The following SKAP1 variants were observed in gnomAD, a reference collection of about 807,000 sequenced individuals.
SKAP1 encodes the protein src kinase associated phosphoprotein 1.
In SKAP1, 44 loss-of-function variants were observed where a neutral mutation model predicts 58.5. The observed-to-expected ratio is 0.75, with a 90% CI of 0.59 to 0.97. The LOEUF (loss-of-function observed/expected upper bound fraction) is 0.97, where lower values mean the gene tolerates loss of function less well. SKAP1 is among the 50% of genes least tolerant of loss of function. SKAP1 has a pLI of 0.00. For synonymous variants in SKAP1, 127 were observed against 149.7 expected, an observed-to-expected ratio of 0.85 and a Z score of 1.11; for missense variants, 390 against 435.2, an observed-to-expected ratio of 0.90 and a Z score of 0.92.
At chr17:48,185,432 T>C (rs1016218324) in intron 6 of SKAP1, among the ~76,000 whole-genome samples, 17 of 152,050 alleles carry the variant, frequency 1.1e-4, no homozygotes, top group Non-Finnish European at 2.2e-4. Context: ...AGAATAACGT[T>C]GAGTATTATT....
At position 48,158,965 on chromosome 17, in the gene SKAP1, G is replaced by GA. The variant is rs34145165; in HGVS notation, c.978+3503dup. On this transcript the variant is annotated intron_variant, in intron 11 of 12. Transcript: ENST00000336915. ...ACAGAGCGAGACGCCTTCTCAAAAA[G>GA]AAAAAAAAAAAAAAAAGAAACAGCA... Among the ~76,000 whole-genome samples, 627 of 131,374 alleles carry GA rather than the reference G, an allele frequency of 4.8e-3. 2 individuals are homozygous for GA. The highest frequency in any genetic ancestry group is 0.014 in the African/African-American group (479 of 34,770). 86.2% of individuals were successfully genotyped at this position (131,374 alleles called of 152,430 possible). A position where few individuals can be genotyped will look rare whatever the true frequency, so the allele number is the denominator to read the frequency against.
intron 2 of SKAP1, among the ~76,000 whole-genome samples, chr17:48,366,153 A>G (rs967989370): frequency 2.0e-5 from 3 of 152,202 alleles, no homozygotes; most frequent in African/African-American, 7.2e-5. Flanking sequence ...AGGGAAGAGT[A>G]TCAGCCCAGT....
At chr17:48,394,593 A>G (rs1393580366) in intron 2 of SKAP1, among the ~76,000 whole-genome samples, 1 of 152,170 alleles carries the variant, frequency 6.6e-6, no homozygotes, top group Non-Finnish European at 1.5e-5. Flanking sequence ...TTCTGGCCTC[A>G]GCCTCCCAAA....
intron 11 of SKAP1, among the ~76,000 whole-genome samples, chr17:48,146,228 C>T (rs910184677): frequency 6.6e-6 from 1 of 152,128 alleles, no homozygotes; most frequent in African/African-American, 2.4e-5. Context: ...GACGGTGGCT[C>T]ACGCCTGTAA....
intron 2 of SKAP1, among the ~76,000 whole-genome samples, chr17:48,384,957 C>A (rs550923933): frequency 6.6e-6 from 1 of 151,960 alleles, no homozygotes; most frequent in Non-Finnish European, 1.5e-5. Context: ...AAAGAGAAAA[C>A]CCTGAGGAAC....
rs537002766 is a variant in SKAP1, at chr17:48,152,066, C to T, written c.978+10403G>A. Among the ~76,000 whole-genome samples, 94 of 152,214 alleles carry T rather than the reference C, an allele frequency of 6.2e-4. 1 individual carries two copies. The Middle Eastern group carries it at 0.017, about 28-fold the overall frequency. The stretch of plus-strand genomic sequence containing the variant: ...ACTGTATCTTTAACGTTTCATATGT[C>T]AAGATGAAAGTTTTTAAATAACTAG... On this transcript the variant is annotated intron_variant, in intron 11 of 12. Coordinates refer to ENST00000336915, the MANE Select transcript of SKAP1 (RefSeq NM_003726.4).
chr17:48,393,827 C>T (rs2067380485), intron 2 of SKAP1, among the ~76,000 whole-genome samples: 1 of 151,860 alleles, frequency 6.6e-6, no homozygotes, highest in Non-Finnish European at 1.5e-5. Context: ...TCCAGATTAT[C>T]TTGCTAGAGA....
At chr17:48,214,803 T>A (rs2064917532) in intron 4 of SKAP1, among the ~76,000 whole-genome samples, 1 of 151,574 alleles carries the variant, frequency 6.6e-6, no homozygotes, top group Admixed American at 6.6e-5. Flanking sequence ...GTGCCTGTAG[T>A]CCCAGCTACT....
chr17:48,249,303 C>T (rs888182185), intron 4 of SKAP1, among the ~76,000 whole-genome samples: 5 of 152,110 alleles, frequency 3.3e-5, no homozygotes, highest in South Asian at 2.1e-4. Context: ...ACCTTAGCTA[C>T]GGCTAAACTA....
At chr17:48,149,662 G>A (rs2063875559) in intron 11 of SKAP1, among the ~76,000 whole-genome samples, 1 of 151,978 alleles carries the variant, frequency 6.6e-6, no homozygotes, top group Non-Finnish European at 1.5e-5. Flanking sequence ...TGGTAAGGTC[G>A]CCAGAATAAA....
At chr17:48,182,254 T>C in intron 8 of SKAP1, 140 bp downstream of exon 8, 1 of 650,428 alleles carries the variant, frequency 1.5e-6, no homozygotes, top group Non-Finnish European at 2.7e-6. Flanking sequence ...TTTGTTGTTG[T>C]AATATGGGGA....
At chr17:48,218,483 GA>G (rs879433834) in intron 4 of SKAP1, among the ~76,000 whole-genome samples, 6 of 152,156 alleles carry the variant, frequency 3.9e-5, no homozygotes, top group Admixed American at 3.3e-4. Flanking sequence ...AAACACTATG[GA>G]AAAGGAGTCC....
At chr17:48,410,847 A>T (rs2067653268) in intron 1 of SKAP1, among the ~76,000 whole-genome samples, 1 of 150,230 alleles carries the variant, frequency 6.7e-6, no homozygotes, top group Non-Finnish European at 1.5e-5. Context: ...GAATCGCTTG[A>T]ACCCAGGAGG....
intron 4 of SKAP1, among the ~76,000 whole-genome samples, chr17:48,341,363 C>G (rs1249901030): frequency 6.6e-6 from 1 of 152,106 alleles, no homozygotes; most frequent in African/African-American, 2.4e-5. Context: ...ATATCTAATG[C>G]TTTCTCCCCA....
At chr17:48,429,533 G>A (rs756875051) in intron 1 of SKAP1, among the ~76,000 whole-genome samples, 7 of 152,184 alleles carry the variant, frequency 4.6e-5, no homozygotes, top group Non-Finnish European at 7.3e-5. Context: ...ACCCCTAGAC[G>A]TCTGCAGGGT....
chr17:48,309,219 G>A (rs531756759), intron 4 of SKAP1, among the ~76,000 whole-genome samples: 1 of 151,984 alleles, frequency 6.6e-6, no homozygotes, highest in East Asian at 1.9e-4. Context: ...CATAAGTAGT[G>A]GTTCTAATAA....
intron 2 of SKAP1, among the ~76,000 whole-genome samples, chr17:48,384,092 A>G (rs928618806): frequency 6.6e-6 from 1 of 152,188 alleles, no homozygotes; most frequent in African/African-American, 2.4e-5. Context: ...AAACTGGAAC[A>G]GGGAGAGACT....
At chr17:48,392,339 C>T (rs1340861502) in intron 2 of SKAP1, among the ~76,000 whole-genome samples, 1 of 152,160 alleles carries the variant, frequency 6.6e-6, no homozygotes, top group Non-Finnish European at 1.5e-5. Flanking sequence ...TGTGCCATAA[C>T]CCTGTTACAC....
intron 2 of SKAP1, among the ~76,000 whole-genome samples, chr17:48,390,062 A>AT (rs2067327054): frequency 6.6e-6 from 1 of 152,236 alleles, no homozygotes; most frequent in Non-Finnish European, 1.5e-5. Context: ...CAGAAGTAAC[A>AT]TCAGAACAAA....
Sources: gnomAD v4.1 joint callset for allele counts (sites outside exome capture counted in the v4.1 genomes callset) on GRCh38, gnomAD v4.1.1 for gene constraint, MANE v1.5 for transcripts, NCBI Gene and HGNC (gene_info 2026-07-23, HGNC 2026-07-21) for gene names.